The following MYRFL variants were observed in gnomAD, a reference collection of about 807,000 sequenced individuals.
The protein encoded by MYRFL is myelin regulatory factor-like protein.
Under a neutral mutation model 109.4 loss-of-function variants are expected in MYRFL, and 88 were observed. That is an observed-to-expected ratio of 0.80 (90% CI 0.68 to 0.96). The LOEUF is 0.96. MYRFL is among the 40% of genes least tolerant of loss of function. MYRFL has a pLI of 0.00. For synonymous variants in MYRFL, 324 were observed against 320.9 expected, an observed-to-expected ratio of 1.01 and a Z score of -0.10; for missense variants, 957 against 954.9, an observed-to-expected ratio of 1.00 and a Z score of -0.03.
At chr12:69,898,487 A>G (rs188916124) in intron 10 of MYRFL, among the ~76,000 whole-genome samples, 10 of 152,306 alleles carry the variant, frequency 6.6e-5, no homozygotes, top group South Asian at 4.1e-4. Context: ...TTGCGTCATA[A>G]GCCAATACAG....
In MYRFL at chr12:69,856,744, G is replaced by T. The variant is rs1884311479; in HGVS notation, c.137+1374G>T. Among the ~76,000 whole-genome samples, 5 of 152,034 alleles carry T rather than the reference G, an allele frequency of 3.3e-5. No homozygotes were observed. The South Asian group carries it at 1.0e-3, about 32-fold the overall frequency. On this transcript the variant is annotated intron_variant, in intron 2 of 24. Coordinates refer to ENST00000552032, the MANE Select transcript of MYRFL (RefSeq NM_182530.3). ...AATCTTTTGCCCATTTTTAAAAATT[G>T]AGTTTGTTTTCTTTAAGTTTAGAAA...
At chr12:69,864,320 G>C (rs1435757646) in intron 2 of MYRFL, among the ~76,000 whole-genome samples, 1 of 151,898 alleles carries the variant, frequency 6.6e-6, no homozygotes, top group East Asian at 1.9e-4. Flanking sequence ...GGTCACTGAG[G>C]CTCAGTTCAT....
chr12:69,910,388 G>A (rs1464706707), intron 12 of MYRFL, among the ~76,000 whole-genome samples: 1 of 152,068 alleles, frequency 6.6e-6, no homozygotes, highest in Admixed American at 6.5e-5. Context: ...TGTGAGGAAC[G>A]GCATTGGGCA....
intron 2 of MYRFL, among the ~76,000 whole-genome samples, chr12:69,861,819 T>C (rs1276583462): frequency 6.6e-6 from 1 of 150,698 alleles, no homozygotes; most frequent in East Asian, 1.9e-4. Context: ...ATGAAGTCCT[T>C]GCCCATGCCT....
At chr12:69,950,451 T>A (rs1021940081) in intron 19 of MYRFL, among the ~76,000 whole-genome samples, 1 of 152,206 alleles carries the variant, frequency 6.6e-6, no homozygotes, top group Admixed American at 6.5e-5. Context: ...CAGGAGTAGT[T>A]CTTTCTCCTT....
At chr12:69,925,291 A>T (rs10879056) in intron 13 of MYRFL, among the ~76,000 whole-genome samples, 57,437 of 151,992 alleles carry the variant, frequency 0.38, 11,772 homozygotes, top group East Asian at 0.72. Flanking sequence ...AGTTTCAGAG[A>T]GTTCTCCAGT....
At chr12:69,859,432 G>T (rs895254474) in intron 2 of MYRFL, among the ~76,000 whole-genome samples, 13 of 152,218 alleles carry the variant, frequency 8.5e-5, no homozygotes, top group Non-Finnish European at 1.5e-5. Flanking sequence ...GACAGTGACA[G>T]AAATGTTGAA....
intron 19 of MYRFL, among the ~76,000 whole-genome samples, chr12:69,943,342 T>C (rs1349969627): frequency 6.7e-6 from 1 of 148,166 alleles, no homozygotes; most frequent in Admixed American, 6.7e-5. Context: ...GAGATATAGA[T>C]CAATGGAACA....
At position 69,865,658 on chromosome 12, in the gene MYRFL, T is replaced by C. The variant is rs57201624; in HGVS notation, c.137+10288T>C. Among the ~76,000 whole-genome samples, 16 of 152,230 alleles carry C rather than the reference T, an allele frequency of 1.1e-4. No individual in the cohort carries two copies. The East Asian group carries it at 2.7e-3, about 26-fold the overall frequency. ...CTCAGCATGCCAAGGCACCATACTT[T>C]GGGGTATTGTGTTCTGAGCTACCTG... On this transcript the variant is annotated intron_variant, in intron 2 of 24. Transcript: ENST00000552032.
intron 1 of MYRFL, among the ~76,000 whole-genome samples, chr12:69,834,364 A>C (rs1416004569): frequency 1.3e-5 from 2 of 152,224 alleles, no homozygotes; most frequent in African/African-American, 4.8e-5. Flanking sequence ...TCAACTATTA[A>C]GAGCTGAGAA....
chr12:69,875,220 G>A (rs1306998555), intron 2 of MYRFL, among the ~76,000 whole-genome samples: 1 of 149,534 alleles, frequency 6.7e-6, no homozygotes, highest in Non-Finnish European at 1.5e-5. Context: ...CTGTTGTTTA[G>A]ATGGGATGAT....
intron 2 of MYRFL, among the ~76,000 whole-genome samples, chr12:69,860,957 C>G (rs2136324605): frequency 7.1e-6 from 1 of 140,002 alleles, no homozygotes; most frequent in Non-Finnish European, 1.5e-5. Context: ...TCCATGTGTT[C>G]TCATTGTTCA....
At chr12:69,923,525 C>A (rs1466362613) in intron 13 of MYRFL, among the ~76,000 whole-genome samples, 2 of 151,980 alleles carry the variant, frequency 1.3e-5, no homozygotes, top group Non-Finnish European at 2.9e-5. Flanking sequence ...ATGTTTATAT[C>A]TCTTTTCTTA....
chr12:69,871,096 T>C (rs937627312), intron 2 of MYRFL, among the ~76,000 whole-genome samples: 4 of 152,244 alleles, frequency 2.6e-5, no homozygotes. Context: ...GAGTGATACA[T>C]GTGAAGAATT....
intron 19 of MYRFL, among the ~76,000 whole-genome samples, chr12:69,937,827 G>A: frequency 6.6e-6 from 1 of 152,172 alleles, no homozygotes; most frequent in East Asian, 1.9e-4. Context: ...GCATATCCTA[G>A]TCTTGGTTAA....
chr12:69,955,400 C>T lies in MYRFL; in HGVS notation c.2413C>T (p.His805Tyr). ...NYNYNIPVNK[H>Y]TPTNVKFSLE... The stretch of plus-strand genomic sequence containing the variant: ...TAATTACAATATTCCTGTTAATAAA[C>T]ACACACCCACCAATGTCAAGTTCTC... The change falls in exon 22 of 25, where the codon CAC (histidine) becomes TAC (tyrosine). Residue 805 changes from histidine to tyrosine, a missense_variant. By Grantham distance (83) the His-to-Tyr change is moderately conservative. Transcript: ENST00000552032. 1.5e-6 allele frequency: 1 copy of T among 658,908 alleles called. No individual in the cohort carries two copies. Among genetic ancestry groups the T allele is most frequent in the South Asian group, 1.7e-5 (1 of 58,144 alleles). 40.8% of individuals were successfully genotyped at this position (658,908 alleles called of 1,614,324 possible). A position where few individuals can be genotyped will look rare whatever the true frequency, so the allele number is the denominator to read the frequency against.
chr12:69,894,803 C>T (rs1251076320), intron 8 of MYRFL, among the ~76,000 whole-genome samples: 2 of 152,206 alleles, frequency 1.3e-5, no homozygotes, highest in East Asian at 1.9e-4. Context: ...CCCCTTTGGG[C>T]TGAGAAGAAG....
chr12:69,915,680 G>GTCT, intron 13 of MYRFL, among the ~76,000 whole-genome samples: 1 of 152,252 alleles, frequency 6.6e-6, no homozygotes, highest in South Asian at 2.1e-4. Context: ...CTGTGCCCTA[G>GTCT]TGAAGGCCCA....
In MYRFL at chr12:69,957,855, A is replaced by C. The variant is rs1481511558; in HGVS notation, c.2484A>C (p.Lys828Asn). 6.5e-7 allele frequency: 1 copy of C among 1,534,376 alleles called. No individual in the cohort carries two copies. Among genetic ancestry groups the C allele is most frequent in the East Asian group, 2.4e-5 (1 of 40,868 alleles). ...AGCCATTGATAGTCTTCCAGTGCAA[A>C]TTCACCCTTGGAAATATATGTTTCC... is the stretch of plus-strand genomic sequence containing the variant. ...TTEPLIVFQC[K>N]FTLGNICFHS... Residue 828 changes from lysine to asparagine, a missense_variant, in exon 23 of 25, where the codon AAA (lysine) becomes AAC (asparagine). By Grantham distance (94) the Lys-to-Asn change is moderately conservative. Coordinates refer to ENST00000552032, the MANE Select transcript of MYRFL (RefSeq NM_182530.3).
Sources: gnomAD v4.1 joint callset for allele counts (sites outside exome capture counted in the v4.1 genomes callset) on GRCh38, gnomAD v4.1.1 for gene constraint, MANE v1.5 for transcripts, NCBI Gene and HGNC (gene_info 2026-07-23, HGNC 2026-07-21) for gene names.